Variants in GREB1L observed in about 807,000 individuals in gnomAD.
GREB1L encodes GREB1-like protein.
A neutral mutation model predicts 200.8 loss-of-function variants in GREB1L; 17 were observed. That is an observed-to-expected ratio of 0.08 (90% confidence interval 0.06 to 0.13). The LOEUF is 0.13. Ranked by LOEUF, GREB1L falls within the 10% of genes least tolerant of loss-of-function variation. GREB1L has a pLI of 1.00. For synonymous variants in GREB1L, 789 were observed against 893.0 expected (o/e 0.88, Z 2.08); for missense variants, 1,657 against 2,367.7 (o/e 0.70, Z 6.23).
At chr18:21,379,409 T>G (rs1003434911) in intron 2 of GREB1L, among the ~76,000 whole-genome samples, 2 of 152,142 alleles carry the variant, frequency 1.3e-5, no homozygotes, top group Non-Finnish European at 2.9e-5. Flanking sequence ...TTTCTCCATG[T>G]TGGTCAGGCT....
At chr18:21,483,907 C>A (rs550135484) in intron 17 of GREB1L, among the ~76,000 whole-genome samples, 1 of 146,412 alleles carries the variant, frequency 6.8e-6, no homozygotes, top group Non-Finnish European at 1.5e-5. Context: ...ACCCAGGAGG[C>A]AGAGATTGCA....
chr18:21,393,502 G>T (rs1221109217), intron 4 of GREB1L, among the ~76,000 whole-genome samples: 1 of 152,122 alleles, frequency 6.6e-6, no homozygotes, highest in Non-Finnish European at 1.5e-5. Flanking sequence ...TTGAGACAGA[G>T]CCTCGCTCTG....
chr18:21,444,971 G>T (rs2034126038), intron 11 of GREB1L, among the ~76,000 whole-genome samples: 1 of 152,280 alleles, frequency 6.6e-6, no homozygotes, highest in East Asian at 1.9e-4. Context: ...TAAGCTATAG[G>T]GTAAGGGGGA....
At chr18:21,275,912 A>G (rs2038155610) in intron 1 of GREB1L, among the ~76,000 whole-genome samples, 1 of 152,190 alleles carries the variant, frequency 6.6e-6, no homozygotes, top group South Asian at 2.1e-4. Flanking sequence ...CGTCAAAACC[A>G]GCGATGTTTA....
At chr18:21,488,641 C>G (rs1421272250) in intron 18 of GREB1L, among the ~76,000 whole-genome samples, 10 of 152,048 alleles carry the variant, frequency 6.6e-5, no homozygotes, top group Non-Finnish European at 1.5e-5. Flanking sequence ...TTGCCAGCAC[C>G]TACTTTCTTT....
intron 1 of GREB1L, among the ~76,000 whole-genome samples, chr18:21,295,915 A>C (rs537062853): frequency 6.6e-6 from 1 of 152,346 alleles, no homozygotes; most frequent in East Asian, 1.9e-4. Flanking sequence ...ATTACTAAAA[A>C]GTCAAAAAAC....
intron 1 of GREB1L, among the ~76,000 whole-genome samples, chr18:21,252,272 A>G (rs1334162792): frequency 6.6e-6 from 1 of 152,172 alleles, no homozygotes; most frequent in African/African-American, 2.4e-5. Context: ...TGAAAGTTAT[A>G]TTAGTCCGGG....
At position 21,440,250 on chromosome 18, in the gene GREB1L, T is replaced by A; in HGVS notation, c.950-19T>A. 1 of 1,550,702 alleles carries A rather than the reference T, an allele frequency of 6.4e-7. No homozygotes were observed. Among genetic ancestry groups the A allele is most frequent in the South Asian group, 1.2e-5 (1 of 83,938 alleles). ...AGAACAAGACTATCTCTTTTTTTTG[T>A]TTTTTTGTTTGTCTTCAGCTACCAT... On this transcript the variant is annotated intron_variant, in intron 8 of 32. Transcript: ENST00000424526.
At chr18:21,281,664 T>G (rs1260932164) in intron 1 of GREB1L, among the ~76,000 whole-genome samples, 1 of 152,240 alleles carries the variant, frequency 6.6e-6, no homozygotes, top group Non-Finnish European at 1.5e-5. Context: ...CTTTTCTGTA[T>G]GAATACATAA....
intron 1 of GREB1L, among the ~76,000 whole-genome samples, chr18:21,319,511 TTAGTG>T (rs1182561028): frequency 1.3e-5 from 2 of 152,264 alleles, no homozygotes; most frequent in Non-Finnish European, 2.9e-5. Context: ...AGTTTTAGAA[TTAGTG>T]TAATTAGCTG....
At chr18:21,304,754 C>T (rs1432923675) in intron 1 of GREB1L, among the ~76,000 whole-genome samples, 1 of 151,974 alleles carries the variant, frequency 6.6e-6, no homozygotes, top group Non-Finnish European at 1.5e-5. Flanking sequence ...GCCTGAGCAG[C>T]TTGGTATTGT....
Position 21,490,196 on chromosome 18 carries a change from A to C in GREB1L, c.2875A>C (p.Ile959Leu). ...KNKSGRGHML[I>L]IRVPSVQLAM... The stretch of plus-strand genomic sequence containing the variant: ...CAAAAGTGGGAGGGGACACATGCTC[A>C]TTATCAGGGTGCCCTCGGTGCAGCT... Residue 959 changes from isoleucine to leucine, a missense_variant, in exon 19 of 33, where the codon ATT becomes CTT. Around this residue, in one of 9 missense-constraint regions of GREB1L, gnomAD observed 3 missense variants for 18.8 expected, o/e 0.16. Transcript: ENST00000424526. 1 of 1,551,730 alleles carries C rather than the reference A, an allele frequency of 6.4e-7. No homozygotes were observed. Among genetic ancestry groups the C allele is most frequent in the Non-Finnish European group, 8.7e-7 (1 of 1,147,004 alleles).
At chr18:21,245,952 G>A (rs1217874278) in intron 1 of GREB1L, among the ~76,000 whole-genome samples, 2 of 152,120 alleles carry the variant, frequency 1.3e-5, no homozygotes, top group African/African-American at 4.8e-5. Flanking sequence ...CATCGATCTC[G>A]ACCTCGTGAT....
chr18:21,393,650 C>T (rs1467123108), intron 4 of GREB1L, among the ~76,000 whole-genome samples: 3 of 152,130 alleles, frequency 2.0e-5, no homozygotes, highest in Admixed American at 2.0e-4. Context: ...AAGATGGTCT[C>T]GATCTCCTGA....
intron 7 of GREB1L, among the ~76,000 whole-genome samples, chr18:21,424,910 T>C (rs1202789988): frequency 6.6e-6 from 1 of 152,176 alleles, no homozygotes; most frequent in African/African-American, 2.4e-5. Context: ...TTGTTACACA[T>C]GGTCTTTTGT....
chr18:21,325,050 A>G (rs1371644331), intron 1 of GREB1L, among the ~76,000 whole-genome samples: 1 of 152,216 alleles, frequency 6.6e-6, no homozygotes, highest in Non-Finnish European at 1.5e-5. Context: ...GATTTTAAGT[A>G]AAACTACTGG....
chr18:21,490,129 A>T lies in GREB1L; in HGVS notation c.2808A>T (p.Thr936=). The T allele has an allele frequency of 6.4e-7, 1 of 1,551,778 alleles. No homozygotes were observed. Among genetic ancestry groups the T allele is most frequent in the Non-Finnish European group, 8.7e-7 (1 of 1,147,002 alleles). ...TCCGCGACCACAGCACACCAGAAAC[A>T]CTCAGCATTATGGATGACCTCATCA... ...ASLRDHSTPE[T]LSIMDDLISS... Residue 936 remains threonine, a synonymous_variant, in exon 19 of 33, where the codon ACA becomes ACT. Transcript: ENST00000424526.
Position 21,525,529 on chromosome 18 carries a change from C to G in GREB1L, c.*2708C>G, listed in dbSNP as rs2037670638. ...GAAGTCAGTCACATTATAGGTTGGA[C>G]AACCAAGATTAAAGAGGTGTTGAAA... On this transcript the variant is annotated 3_prime_UTR_variant, in exon 33 of 33. Transcript: ENST00000424526. The G allele has an allele frequency of 6.6e-6, 1 of 152,114 alleles. No homozygotes were observed. The highest frequency in any genetic ancestry group is 1.5e-5 in the Non-Finnish European group (1 of 68,018). 9.4% of individuals were successfully genotyped at this position (152,114 alleles called of 1,614,324 possible). A position where few individuals can be genotyped will look rare whatever the true frequency, so the allele number is the denominator to read the frequency against.
intron 32 of GREB1L, among the ~76,000 whole-genome samples, chr18:21,522,421 C>T (rs1295883858): frequency 6.6e-6 from 1 of 152,014 alleles, no homozygotes; most frequent in Admixed American, 6.6e-5. Context: ...TTGCAGTGAA[C>T]CGAGATCGCA....
Sources: allele counts gnomAD v4.1 joint callset (sites outside exome capture counted in the v4.1 genomes callset), GRCh38; gene constraint gnomAD v4.1.1; regional missense constraint gnomAD v4.1.1; transcripts MANE v1.5; gene names NCBI Gene and HGNC (gene_info 2026-07-23, HGNC 2026-07-21).